The following PCDHGA8 variants were observed in gnomAD, a reference collection of about 807,000 sequenced individuals.
The protein encoded by PCDHGA8 is protocadherin gamma-A8.
PCDHGA8 carries 45 observed loss-of-function variants against 59.2 expected under a neutral mutation model. That is an observed-to-expected ratio of 0.76 (90% CI 0.60 to 0.98). PCDHGA8 has a LOEUF of 0.98. Among genes scored for constraint, PCDHGA8 ranks in the 50% least tolerant of loss-of-function variants. The pLI is 0.00. For missense variants in PCDHGA8, 1,257 were observed against 1,196.2 expected, an observed-to-expected ratio of 1.05 and a Z score of -0.75; for synonymous variants, 531 against 519.0, an observed-to-expected ratio of 1.02 and a Z score of -0.32.
intron 1 of PCDHGA8, among the ~76,000 whole-genome samples, chr5:141,494,113 C>G (rs2099751999): frequency 6.6e-6 from 1 of 152,214 alleles, no homozygotes; most frequent in Non-Finnish European, 1.5e-5. Flanking sequence ...TCAGACAGAG[C>G]AGCCTTGTTC....
chr5:141,400,371 C>A, intron 1 of PCDHGA8: 1 of 1,614,056 alleles, frequency 6.2e-7, no homozygotes, highest in South Asian at 1.1e-5. Flanking sequence ...CTTATTCCTA[C>A]AACCTATGTG....
At chr5:141,458,594 G>T (rs1226490392) in intron 1 of PCDHGA8, among the ~76,000 whole-genome samples, 1 of 151,612 alleles carries the variant, frequency 6.6e-6, no homozygotes, top group Non-Finnish European at 1.5e-5. Context: ...TTTTGGAGAC[G>T]AGTCTCACTC....
At chr5:141,421,770 G>T in intron 1 of PCDHGA8, 6 of 1,613,856 alleles carry the variant, frequency 3.7e-6, no homozygotes, top group East Asian at 2.2e-5. Context: ...ACTTTTCCTT[G>T]CAACTGCGGG....
intron 2 of PCDHGA8, among the ~76,000 whole-genome samples, chr5:141,498,618 G>A (rs191513899): frequency 1.3e-5 from 2 of 152,220 alleles, no homozygotes; most frequent in East Asian, 3.9e-4. Context: ...TCAGCACTGG[G>A]TCACACTGCC....
At position 141,409,389 on chromosome 5, in the gene PCDHGA8, C is replaced by G; in HGVS notation, c.2424+14152C>G. On this transcript the variant is annotated intron_variant, in intron 1 of 3. Transcript: ENST00000398604. ...ACAGACATTCCATTCAAGATTTATT[C>G]TTCTTCCAATAACTACTACAAACTG... 6.2e-7 allele frequency: 1 copy of G among 1,614,006 alleles called. No homozygotes were observed. Among genetic ancestry groups the G allele is most frequent in the Admixed American group, 1.7e-5 (1 of 60,020 alleles).
Position 141,476,461 on chromosome 5 carries a change from G to T in PCDHGA8, c.2425-18346G>T. On this transcript the variant is annotated intron_variant, in intron 1 of 3. Transcript: ENST00000398604. This position sits in a 1 kb window ranked among gnomAD's most constrained non-coding sequence, Gnocchi z 7.6. The stretch of plus-strand genomic sequence containing the variant: ...CTCTGGAGTTGGTAGTGGAGAACCC[G>T]CTGGAGCTGTTCAGCGTGGAAGTGG... The T allele has an allele frequency of 6.2e-7, 1 of 1,614,122 alleles. No homozygotes were observed. Among genetic ancestry groups the T allele is most frequent in the Non-Finnish European group, 8.5e-7 (1 of 1,180,022 alleles).
intron 3 of PCDHGA8, among the ~76,000 whole-genome samples, chr5:141,510,194 G>T (rs920127442): frequency 6.6e-6 from 1 of 151,462 alleles, no homozygotes. Context: ...AATCACTTGA[G>T]CCCAGGAGGC....
At chr5:141,409,870 T>A (rs980871481) in intron 1 of PCDHGA8, 2 of 1,612,670 alleles carry the variant, frequency 1.2e-6, no homozygotes, top group Admixed American at 1.7e-5. Context: ...GAGACCGCAA[T>A]GACAACGCAC....
chr5:141,398,905 A>G lies in PCDHGA8; in HGVS notation c.2424+3668A>G, dbSNP rs200564636. ...TCGGGAAAACGTGCCACCAGGCACC[A>G]CTGTGTTGCAAGTGTCAGCCACTGA... On this transcript the variant is annotated intron_variant, in intron 1 of 3. Coordinates refer to ENST00000398604, the MANE Select transcript of PCDHGA8 (RefSeq NM_032088.2). 1.2e-3 allele frequency: 1,935 copies of G among 1,613,984 alleles called. 4 individuals carry two copies. Among genetic ancestry groups the G allele is most frequent in the Middle Eastern group, 3.5e-3 (21 of 6,062 alleles).
intron 1 of PCDHGA8, among the ~76,000 whole-genome samples, chr5:141,460,912 G>GTATA (rs34683754): frequency 4.0e-5 from 6 of 149,324 alleles, no homozygotes; most frequent in South Asian, 2.1e-4. Context: ...ATTCCATGGT[G>GTATA]TATATATATA....
intron 1 of PCDHGA8, chr5:141,404,905 GC>G (rs762314174): frequency 6.2e-6 from 10 of 1,613,910 alleles, no homozygotes; most frequent in Middle Eastern, 1.7e-4. Context: ...ACCATGGCCA[GC>G]CCCCTCTCTC....
rs1589316075 is a variant in PCDHGA8, at chr5:141,398,010, G to GAATTT, written c.2424+2773_2424+2774insAATTT. 8 of 1,407,812 alleles carry GAATTT rather than the reference G, an allele frequency of 5.7e-6. 1 individual carries two copies. The East Asian group carries it at 1.5e-4, about 27-fold the overall frequency. 87.2% of individuals were successfully genotyped at this position (1,407,812 alleles called of 1,614,324 possible). Reference sequence around the variant, plus strand: ...CCGCTTCCTCCTCGGAAAAAGAATCGTTTCCTAAACTGGAACTGGAACTAA... The same window carrying GAATTT: ...CCGCTTCCTCCTCGGAAAAAGAATCGAATTTTTTCCTAAACTGGAACTGGAACTAA... On this transcript the variant is annotated intron_variant, in intron 1 of 3. Transcript: ENST00000398604.
At position 141,477,781 on chromosome 5, in the gene PCDHGA8, A is replaced by G; in HGVS notation, c.2425-17026A>G. 6.2e-7 allele frequency: 1 copy of G among 1,614,036 alleles called. No homozygotes were observed. Among genetic ancestry groups the G allele is most frequent in the South Asian group, 1.1e-5 (1 of 91,090 alleles). Reference sequence around the variant, plus strand: ...TAGCCACCAACATCAGCGTGAACATATTTGTCACTGATCGCAATGACAATG... The same window carrying G: ...TAGCCACCAACATCAGCGTGAACATGTTTGTCACTGATCGCAATGACAATG... On this transcript the variant is annotated intron_variant, in intron 1 of 3. Coordinates refer to ENST00000398604, the MANE Select transcript of PCDHGA8 (RefSeq NM_032088.2). The surrounding 1 kb of genome is among the most constrained non-coding windows in gnomAD (Gnocchi z 4.9).
intron 1 of PCDHGA8, among the ~76,000 whole-genome samples, chr5:141,436,677 G>T (rs966497986): frequency 2.2e-4 from 33 of 152,278 alleles, no homozygotes; most frequent in Non-Finnish European, 2.9e-5. Flanking sequence ...CCAAAAAAAG[G>T]ATTTATATTT....
intron 1 of PCDHGA8, among the ~76,000 whole-genome samples, chr5:141,456,859 A>C (rs2098893194): frequency 6.6e-6 from 1 of 152,152 alleles, no homozygotes; most frequent in Admixed American, 6.6e-5. Context: ...GCTAATTGGG[A>C]GGCTGAGGCA....
chr5:141,431,111 G>A lies in PCDHGA8; in HGVS notation c.2424+35874G>A, dbSNP rs2097343539. The A allele has an allele frequency of 1.9e-6, 3 of 1,614,110 alleles. No individual in the cohort carries two copies. Among genetic ancestry groups the A allele is most frequent in the Non-Finnish European group, 2.5e-6 (3 of 1,180,034 alleles). On this transcript the variant is annotated intron_variant, in intron 1 of 3. Coordinates refer to ENST00000398604, the MANE Select transcript of PCDHGA8 (RefSeq NM_032088.2). This position sits in a 1 kb window ranked among gnomAD's most constrained non-coding sequence, Gnocchi z 4.8. ...GATGGAGGATAAAGTGAAAATATAT[G>A]GAGTAGAAGTAGAAGTAAGGGACAT...
At chr5:141,413,054 A>T in intron 1 of PCDHGA8, 1 of 981,732 alleles carries the variant, frequency 1.0e-6, no homozygotes, top group Non-Finnish European at 1.5e-6. Context: ...AGGGAAGCTC[A>T]CTCCAGAATT....
Position 141,476,220 on chromosome 5 carries a change from A to G in PCDHGA8, c.2425-18587A>G, listed in dbSNP as rs770978000. On this transcript the variant is annotated intron_variant, in intron 1 of 3. Coordinates refer to ENST00000398604, the MANE Select transcript of PCDHGA8 (RefSeq NM_032088.2). This position sits in a 1 kb window ranked among gnomAD's most constrained non-coding sequence, Gnocchi z 7.6. Reference sequence around the variant, plus strand: ...AACAAGGCTTCCACGGTCATTCACTATGAGATCCCGGAGGAAAGAGAGAAG... The same window carrying G: ...AACAAGGCTTCCACGGTCATTCACTGTGAGATCCCGGAGGAAAGAGAGAAG... 44 of 1,613,884 alleles carry G rather than the reference A, an allele frequency of 2.7e-5. No individual in the cohort carries two copies. The highest frequency in any genetic ancestry group is 3.4e-5 in the Non-Finnish European group (40 of 1,180,004).
chr5:141,502,238 T>C (rs2099813398), intron 2 of PCDHGA8, among the ~76,000 whole-genome samples: 1 of 152,204 alleles, frequency 6.6e-6, no homozygotes, highest in Admixed American at 6.5e-5. Flanking sequence ...TGTGTTCTTT[T>C]ATCCTTTTTT....
Sources: gnomAD v4.1 joint callset for allele counts (sites outside exome capture counted in the v4.1 genomes callset) on GRCh38, gnomAD v4.1.1 for gene constraint, Gnocchi (gnomAD v3.1) non-coding constraint, MANE v1.5 for transcripts, NCBI Gene and HGNC (gene_info 2026-07-23, HGNC 2026-07-21) for gene names.